ATP5F1B: variants seen among roughly 807,000 people sequenced by gnomAD.
The protein encoded by ATP5F1B is ATP synthase F(1) complex subunit beta, mitochondrial.
A neutral mutation model predicts 45.9 loss-of-function variants in ATP5F1B; 17 were observed. That is an observed-to-expected ratio of 0.37 (90% CI 0.25 to 0.56). The LOEUF (loss-of-function observed/expected upper bound fraction) is 0.56, where lower values mean the gene tolerates loss of function less well. Ranked by LOEUF, ATP5F1B falls within the 20% of genes least tolerant of loss-of-function variation. The pLI is 0.80. For missense variants in ATP5F1B, 387 were observed against 673.2 expected, an observed-to-expected ratio of 0.57 and a Z score of 4.70; for synonymous variants, 218 against 256.5, an observed-to-expected ratio of 0.85 and a Z score of 1.43.
At chr12:56,639,511 C>T (rs901489477) in intron 8 of ATP5F1B, 21 of 569,324 alleles carry the variant, frequency 3.7e-5, no homozygotes, top group African/African-American at 2.8e-4. Flanking sequence ...CAGTGGCTCA[C>T]GTCTGTAATC....
chr12:56,638,397 C>A lies in ATP5F1B; in HGVS notation c.1516G>T (p.Ala506Ser), dbSNP rs749173114. The part of the protein sequence containing the change: ...AGEYDHLPEQ[A>S]FYMVGPIEEA... ...TCAATGGGTCCCACCATATAGAAGG[C>A]CTGTTCTGGGAGATGGTCATATTCA... is the stretch of plus-strand genomic sequence containing the variant. Residue 506 changes from alanine to serine, a missense_variant, in exon 10 of 10, where the codon GCC becomes TCC. By Grantham distance (99) the Ala-to-Ser change is moderately conservative. Transcript: ENST00000262030. 6 of 1,613,202 alleles carry A rather than the reference C, an allele frequency of 3.7e-6. No individual in the cohort carries two copies. Among genetic ancestry groups the A allele is most frequent in the Non-Finnish European group, 5.1e-6 (6 of 1,179,798 alleles).
At chr12:56,645,069 C>A (rs1208926816) in intron 2 of ATP5F1B, 102 bp downstream of exon 2, 1 of 1,606,714 alleles carries the variant, frequency 6.2e-7, no homozygotes, top group Non-Finnish European at 8.5e-7. Context: ...CTCAGAAGAA[C>A]GAAAGTCATT....
intron 1 of ATP5F1B, 104 bp from the exon 2 acceptor site, chr12:56,645,457 G>A: frequency 3.9e-6 from 5 of 1,293,276 alleles, no homozygotes; most frequent in Non-Finnish European, 5.2e-6. Context: ...CCGAAGTCAG[G>A]CCTCTTTCCG....
At chr12:56,645,500 C>G in intron 1 of ATP5F1B, 147 bp from the exon 2 acceptor site, 1 of 1,018,056 alleles carries the variant, frequency 9.8e-7, no homozygotes, top group Non-Finnish European at 1.4e-6. Flanking sequence ...GAGGGAAGGC[C>G]GCGCAGCGAT....
chr12:56,645,445 A>G, intron 1 of ATP5F1B, 92 bp from the exon 2 acceptor site: 1 of 1,374,190 alleles, frequency 7.3e-7, no homozygotes, highest in Non-Finnish European at 9.8e-7. Context: ...AGGAAAACTC[A>G]GCCGAAGTCA....
At chr12:56,641,840 C>T (rs957218686) in intron 7 of ATP5F1B, among the ~76,000 whole-genome samples, 1 of 151,866 alleles carries the variant, frequency 6.6e-6, no homozygotes, top group Non-Finnish European at 1.5e-5. Context: ...CGTGAGCCAC[C>T]GTGCCCGGCC....
chr12:56,641,777 T>G lies in ATP5F1B; in HGVS notation c.1074+681A>C, dbSNP rs375798388. ...GTGTTAAGTCAGGATGGTCTTGATCTCCTGACCTCATGATCCGCCTGCCTT... is the reference window on the plus strand; with the variant it reads ...GTGTTAAGTCAGGATGGTCTTGATCGCCTGACCTCATGATCCGCCTGCCTT... On this transcript the variant is annotated intron_variant, in intron 7 of 9. Transcript: ENST00000262030. 6.7e-4 allele frequency among the ~76,000 whole-genome samples: 102 copies of G among 152,106 alleles called. 1 individual carries two copies. The East Asian group carries it at 0.016, about 23-fold the overall frequency.
At chr12:56,639,860 G>A in intron 8 of ATP5F1B, 120 bp downstream of exon 8, 1 of 1,001,028 alleles carries the variant, frequency 1.0e-6, no homozygotes, top group Non-Finnish European at 1.5e-6. Flanking sequence ...ACTAGCAATT[G>A]CCAGCCTCAA....
rs1372249414 is a variant in ATP5F1B at position 56,642,703 on chromosome 12, G to A, written c.921C>T (p.Asn307=). 1 of 1,614,220 alleles carries A rather than the reference G, an allele frequency of 6.2e-7. No individual in the cohort carries two copies. Among genetic ancestry groups the A allele is most frequent in the African/African-American group, 1.3e-5 (1 of 75,050 alleles). ...AACCAGCCTGGGTGAAGCGAAAGATGTTATCAATAAATAGCAGTACATCTT... is the reference window on the plus strand; with the variant it reads ...AACCAGCCTGGGTGAAGCGAAAGATATTATCAATAAATAGCAGTACATCTT... ...EGQDVLLFID[N]IFRFTQAGSE... The change falls in exon 6 of 10, where the codon AAC becomes AAT. Residue 307 remains asparagine, a synonymous_variant. Transcript: ENST00000262030.
chr12:56,639,808 A>G (rs1208959333), intron 8 of ATP5F1B, among the ~76,000 whole-genome samples, 172 bp downstream of exon 8: 4 of 151,990 alleles, frequency 2.6e-5, no homozygotes, highest in African/African-American at 9.7e-5. Context: ...TGCATTCCAA[A>G]GCGTTAAGTA....
rs1045153709 is a variant in ATP5F1B, at chr12:56,638,376, T to A, written c.1537A>T (p.Ile513Phe). Reference sequence around the variant, plus strand: ...TCAGCTTTTGCCACAGCTTCTTCAATGGGTCCCACCATATAGAAGGCCTGT... The same window carrying A: ...TCAGCTTTTGCCACAGCTTCTTCAAAGGGTCCCACCATATAGAAGGCCTGT... ...PEQAFYMVGP[I>F]EEAVAKADKL... Residue 513 changes from isoleucine to phenylalanine, a missense_variant, in exon 10 of 10, where the codon ATT (isoleucine) becomes TTT (phenylalanine). By Grantham distance (21) the Ile-to-Phe change is conservative. Transcript: ENST00000262030. 6.2e-7 allele frequency: 1 copy of A among 1,613,770 alleles called. No individual in the cohort carries two copies. Among genetic ancestry groups the A allele is most frequent in the East Asian group, 2.2e-5 (1 of 44,866 alleles).
intron 5 of ATP5F1B, 174 bp downstream of exon 5, chr12:56,643,229 T>TG (rs968334967): frequency 1.7e-5 from 9 of 540,042 alleles, no homozygotes; most frequent in Middle Eastern, 5.0e-4. Flanking sequence ...TATTGGAAGT[T>TG]GGGGGGGAAA....
chr12:56,642,069 T>G (rs1224760760), intron 7 of ATP5F1B, among the ~76,000 whole-genome samples: 1 of 151,910 alleles, frequency 6.6e-6, no homozygotes, highest in Non-Finnish European at 1.5e-5. Flanking sequence ...CAATCTTGGC[T>G]CATTGCAACC....
chr12:56,639,040 G>T, intron 9 of ATP5F1B, 66 bp downstream of exon 9: 1 of 1,455,642 alleles, frequency 6.9e-7, no homozygotes, highest in Non-Finnish European at 9.6e-7. Flanking sequence ...TACATATATT[G>T]CTTGACGGTT....
intron 7 of ATP5F1B, 84 bp downstream of exon 7, chr12:56,642,374 G>T: frequency 1.3e-6 from 2 of 1,568,270 alleles, no homozygotes; most frequent in South Asian, 2.3e-5. Context: ...CAATCTTCCT[G>T]CCTCAGCCTC....
intron 4 of ATP5F1B, 60 bp downstream of exon 4, chr12:56,643,777 A>G (rs1951530637): frequency 6.2e-7 from 1 of 1,603,994 alleles, no homozygotes; most frequent in Admixed American, 1.7e-5. Flanking sequence ...CACTCATAAC[A>G]TTGTATGAGT....
rs1338083534 is a variant in ATP5F1B at position 56,639,555 on chromosome 12, T to C, written c.1288-248A>G. 12 of 503,600 alleles carry C rather than the reference T, an allele frequency of 2.4e-5. No individual in the cohort carries two copies. In the Admixed American group the frequency reaches 3.6e-4, roughly 15 times the overall value. 31.2% of individuals were successfully genotyped at this position (503,600 alleles called of 1,614,324 possible). Reference sequence around the variant, plus strand: ...TTGGGAGGCCACGGTGGGTGGATCATGAGGTCAGGAGATCGAGACCAGCCT... The same window carrying C: ...TTGGGAGGCCACGGTGGGTGGATCACGAGGTCAGGAGATCGAGACCAGCCT... On this transcript the variant is annotated intron_variant, in intron 8 of 9. Coordinates refer to ENST00000262030, the MANE Select transcript of ATP5F1B (RefSeq NM_001686.4).
intron 7 of ATP5F1B, among the ~76,000 whole-genome samples, chr12:56,640,526 C>T (rs1370501525): frequency 1.3e-5 from 2 of 152,044 alleles, no homozygotes; most frequent in African/African-American, 2.4e-5. Context: ...CCACGCCCAG[C>T]GAACCAAAGT....
Position 56,645,188 on chromosome 12 carries a change from T to A in ATP5F1B, c.293A>T (p.Glu98Val). The A allele has an allele frequency of 6.2e-7, 1 of 1,614,160 alleles. No homozygotes were observed. The highest frequency in any genetic ancestry group is 8.5e-7 in the Non-Finnish European group (1 of 1,179,976). The change falls in exon 2 of 10, where the codon GAG becomes GTG. Residue 98 changes from glutamate to valine, a missense_variant. By Grantham distance (121) the Glu-to-Val change is moderately radical (BLOSUM62 -2). Coordinates refer to ENST00000262030, the MANE Select transcript of ATP5F1B (RefSeq NM_001686.4). ...CTACTTACCCAAATGCTGGGCCACC[T>A]CCAAAACCAGTCTGGTCTCCCTGCC... ...VQGRETRLVL[E>V]VAQHLGESTV...
Sources: allele counts gnomAD v4.1 joint callset (sites outside exome capture counted in the v4.1 genomes callset), GRCh38; gene constraint gnomAD v4.1.1; transcripts MANE v1.5; gene names NCBI Gene and HGNC (gene_info 2026-07-23, HGNC 2026-07-21).